ATRN: variants seen among roughly 807,000 people sequenced by gnomAD.
ATRN encodes attractin-2.
ATRN carries 54 observed loss-of-function variants against 178.7 expected under a neutral mutation model. The observed-to-expected ratio is 0.30, with a 90% CI of 0.24 to 0.38. ATRN has a LOEUF of 0.38. Ranked by LOEUF, ATRN falls within the 10% of genes least tolerant of loss-of-function variation. ATRN has a pLI of 1.00. For missense variants in ATRN, 1,443 were observed against 1,815.1 expected, an observed-to-expected ratio of 0.79 and a Z score of 3.73; for synonymous variants, 636 against 663.0, an observed-to-expected ratio of 0.96 and a Z score of 0.63.
chr20:3,474,578 G>GC (rs2084488163), intron 1 of ATRN, among the ~76,000 whole-genome samples: 1 of 151,722 alleles, frequency 6.6e-6, no homozygotes, highest in Non-Finnish European at 1.5e-5. Flanking sequence ...GTGGTGGCGG[G>GC]CACCTGTAGT....
At chr20:3,559,587 G>A (rs1199747735) in intron 7 of ATRN, 104 bp downstream of exon 7, 1 of 914,660 alleles carries the variant, frequency 1.1e-6, no homozygotes, top group Admixed American at 2.3e-5. Context: ...TTTAATTGGG[G>A]AAAACTTTTT....
At chr20:3,586,979 C>A (rs6051961) in intron 18 of ATRN, among the ~76,000 whole-genome samples, 4 of 152,128 alleles carry the variant, frequency 2.6e-5, no homozygotes, top group African/African-American at 9.7e-5. Context: ...TTGTATTTTC[C>A]TGATAACTAA....
chr20:3,477,997 A>G (rs1042514407), intron 1 of ATRN, among the ~76,000 whole-genome samples: 1 of 152,204 alleles, frequency 6.6e-6, no homozygotes, highest in Non-Finnish European at 1.5e-5. Flanking sequence ...TTTTAGCTAA[A>G]TCCAAATTTA....
chr20:3,606,849 T>G (rs2086683618), intron 24 of ATRN, among the ~76,000 whole-genome samples: 1 of 152,224 alleles, frequency 6.6e-6, no homozygotes, highest in Non-Finnish European at 1.5e-5. Flanking sequence ...AACTAACTTT[T>G]AATAATTATA....
chr20:3,594,250 G>A (rs2086491853), intron 19 of ATRN, among the ~76,000 whole-genome samples: 1 of 152,094 alleles, frequency 6.6e-6, no homozygotes, highest in Non-Finnish European at 1.5e-5. Context: ...GAAGGCAGTG[G>A]GTACCAGCAT....
intron 6 of ATRN, among the ~76,000 whole-genome samples, chr20:3,554,275 A>G (rs1245515722): frequency 6.6e-6 from 1 of 151,716 alleles, no homozygotes; most frequent in Admixed American, 6.6e-5. Flanking sequence ...TCATTTTAGA[A>G]GTAGTGTTTC....
At chr20:3,505,724 T>C (rs889381556) in intron 1 of ATRN, among the ~76,000 whole-genome samples, 2 of 152,146 alleles carry the variant, frequency 1.3e-5, no homozygotes, top group Non-Finnish European at 2.9e-5. Flanking sequence ...ATATATTGCT[T>C]ATAGAAAAGT....
intron 6 of ATRN, 113 bp from the exon 7 acceptor site, chr20:3,559,280 A>G: frequency 1.3e-6 from 1 of 792,258 alleles, no homozygotes; most frequent in South Asian, 1.6e-5. Context: ...GTGCCCCCCT[A>G]CATCCATGGT....
intron 1 of ATRN, among the ~76,000 whole-genome samples, chr20:3,524,989 TAAAAG>T (rs1568706999): frequency 1.3e-5 from 2 of 151,882 alleles, no homozygotes; most frequent in African/African-American, 2.4e-5. Flanking sequence ...ACATCACAGT[TAAAAG>T]AACTAGAGAA....
intron 14 of ATRN, among the ~76,000 whole-genome samples, chr20:3,578,309 T>C (rs1378540438): frequency 6.6e-6 from 1 of 152,200 alleles, no homozygotes; most frequent in African/African-American, 2.4e-5. Context: ...CAGTCTAATA[T>C]TGGCACCAAA....
At position 3,471,087 on chromosome 20, in the gene ATRN, C is replaced by T. The variant is rs910740536; in HGVS notation, c.-21C>T. 5 of 1,505,672 alleles carry T rather than the reference C, an allele frequency of 3.3e-6. No homozygotes were observed. Among genetic ancestry groups the T allele is most frequent in the South Asian group, 1.2e-5 (1 of 81,888 alleles). 93.3% of individuals were successfully genotyped at this position (1,505,672 alleles called of 1,614,324 possible). ...GGTGTGTGTGTATGTGTTCGCGGGG[C>T]GCCGTCTCAGCCCCGGGAAGATGGT... On this transcript the variant is annotated 5_prime_UTR_variant, in exon 1 of 29. Transcript: ENST00000262919.
intron 1 of ATRN, among the ~76,000 whole-genome samples, chr20:3,509,896 ATTG>A (rs1380865345): frequency 1.3e-5 from 2 of 152,156 alleles, no homozygotes; most frequent in Non-Finnish European, 2.9e-5. Context: ...ACCCAAATTC[ATTG>A]TTAACATCTC....
chr20:3,488,468 A>G (rs1007902542), intron 1 of ATRN, among the ~76,000 whole-genome samples: 13 of 152,160 alleles, frequency 8.5e-5, no homozygotes, highest in Admixed American at 1.3e-4. Flanking sequence ...ATCCAATCCC[A>G]TTTTTTGAGA....
At chr20:3,603,958 A>AGCTTT (rs2086645610) in intron 23 of ATRN, 147 bp from the exon 24 acceptor site, 6 of 609,066 alleles carry the variant, frequency 9.9e-6, no homozygotes, top group Non-Finnish European at 1.6e-5. Context: ...GTGAGGATTA[A>AGCTTT]ATGAGATTGA....
chr20:3,471,142 TGAG>T lies in ATRN; in HGVS notation c.44_46del (p.Arg15del), dbSNP rs1380172221. ...GCAGCGGCGGCAACTGAGGCAAGGC[TGAG>T]GAGGAGGACGGCGGCGACGGCAGCG... On this transcript the variant is annotated inframe_deletion, in exon 1 of 29. Coordinates refer to ENST00000262919, the MANE Select transcript of ATRN (RefSeq NM_139321.3). 2.7e-6 allele frequency: 4 copies of T among 1,508,074 alleles called. No homozygotes were observed. The highest frequency in any genetic ancestry group is 2.0e-5 in the Admixed American group (1 of 48,936). 93.4% of individuals were successfully genotyped at this position (1,508,074 alleles called of 1,614,324 possible).
intron 1 of ATRN, among the ~76,000 whole-genome samples, chr20:3,517,236 C>T (rs34522380): frequency 1.6e-4 from 25 of 152,052 alleles, no homozygotes; most frequent in East Asian, 5.8e-4. Context: ...ATTAATAGCA[C>T]GAGAAAAGGC....
intron 1 of ATRN, among the ~76,000 whole-genome samples, chr20:3,504,306 G>A (rs909187515): frequency 6.6e-6 from 1 of 152,066 alleles, no homozygotes; most frequent in African/African-American, 2.4e-5. Context: ...GAAAGGAAAT[G>A]ATAGTAGAAG....
At chr20:3,554,011 G>A (rs1261534927) in intron 6 of ATRN, among the ~76,000 whole-genome samples, 1 of 152,120 alleles carries the variant, frequency 6.6e-6, no homozygotes, top group African/African-American at 2.4e-5. Context: ...CTCATAGAAG[G>A]TACTCAGATA....
At chr20:3,591,713 G>C (rs1020212421) in intron 19 of ATRN, among the ~76,000 whole-genome samples, 1 of 152,178 alleles carries the variant, frequency 6.6e-6, no homozygotes, top group African/African-American at 2.4e-5. Flanking sequence ...GGACACTAAG[G>C]TTGTGGGAAG....
Sources: gnomAD v4.1 joint callset for allele counts (sites outside exome capture counted in the v4.1 genomes callset) on GRCh38, gnomAD v4.1.1 for gene constraint, MANE v1.5 for transcripts, NCBI Gene and HGNC (gene_info 2026-07-23, HGNC 2026-07-21) for gene names.